ZNF407: variants seen among roughly 807,000 people sequenced by gnomAD.
The protein encoded by ZNF407 is zinc finger protein 407.
Under a neutral mutation model 131.2 loss-of-function variants are expected in ZNF407, and 17 were observed. The observed-to-expected ratio is 0.13, with a 90% CI of 0.09 to 0.19. ZNF407 has a LOEUF of 0.19. Ranked by LOEUF, ZNF407 falls within the 10% of genes least tolerant of loss-of-function variation. The pLI, the probability that ZNF407 is intolerant of heterozygous loss-of-function variation, is 1.00. For missense variants in ZNF407, 2,681 were observed against 2,830.6 expected (o/e 0.95, Z 1.20); for synonymous variants, 1,156 against 1,062.0 (o/e 1.09, Z -1.72).
chr18:74,647,439 G>A (rs941559937), intron 3 of ZNF407, among the ~76,000 whole-genome samples: 6 of 151,824 alleles, frequency 4.0e-5, no homozygotes, highest in African/African-American at 1.5e-4. Flanking sequence ...GCGGGACCCC[G>A]TCTCTAAAAA....
rs374271848 is a variant in ZNF407, at chr18:74,630,974, G to T, written c.-46G>T. On this transcript the variant is annotated 5_prime_UTR_variant, in exon 2 of 9. Transcript: ENST00000299687. ...TGTTTGTTTACTTCACAGGTTATGA[G>T]TGCCAGTGAGCCGCCTTAGATAGAA... is the stretch of plus-strand genomic sequence containing the variant. 12 of 1,542,914 alleles carry T rather than the reference G, an allele frequency of 7.8e-6. No individual in the cohort carries two copies. In the African/African-American group the frequency reaches 1.5e-4, roughly 20 times the overall value.
intron 4 of ZNF407, among the ~76,000 whole-genome samples, chr18:74,785,891 GCACT>G (rs1969700428): frequency 6.6e-6 from 1 of 150,928 alleles, no homozygotes; most frequent in African/African-American, 2.5e-5. Flanking sequence ...CACGCACATG[GCACT>G]CACATGGGAC....
chr18:74,601,309 GTGTGTGTGTGTGTGTATGTC>G (rs1209832446), intron 1 of ZNF407, among the ~76,000 whole-genome samples: 3 of 135,222 alleles, frequency 2.2e-5, no homozygotes, highest in Non-Finnish European at 4.7e-5. Context: ...AGTTAGTTGT[GTGTGTGTGTGTGTGTATGTC>G]TGTGTGTGTG....
At chr18:74,891,659 A>G (rs1474747057) in intron 7 of ZNF407, among the ~76,000 whole-genome samples, 1 of 152,222 alleles carries the variant, frequency 6.6e-6, no homozygotes, top group Admixed American at 6.5e-5. Context: ...AGAGGTAGAC[A>G]TAGAAATTCT....
chr18:74,731,185 C>T (rs1968286114), intron 3 of ZNF407, among the ~76,000 whole-genome samples: 1 of 152,132 alleles, frequency 6.6e-6, no homozygotes, highest in African/African-American at 2.4e-5. Context: ...ATGGAATTTA[C>T]AGATTTTGAG....
At chr18:74,882,836 G>A (rs1304468219) in intron 6 of ZNF407, among the ~76,000 whole-genome samples, 1 of 152,144 alleles carries the variant, frequency 6.6e-6, no homozygotes, top group Non-Finnish European at 1.5e-5. Flanking sequence ...AACATTTATG[G>A]TAACAGTATG....
In ZNF407 at chr18:74,881,065, G is replaced by A; in HGVS notation, c.5074G>A (p.Gly1692Ser). ...GEKSFLCDLC[G>S]FAGGTRHALT... The stretch of plus-strand genomic sequence containing the variant: ...GAAGTCGTTTCTGTGTGACCTCTGC[G>A]GCTTTGCCGGCGGGACCCGCCACGC... The change falls in exon 6 of 9, where the codon GGC becomes AGC. Residue 1692 changes from glycine (G) to serine (S), a missense_variant. Gly to Ser is a moderately conservative substitution (Grantham distance 56). Transcript: ENST00000299687. 6.3e-7 allele frequency: 1 copy of A among 1,575,764 alleles called. No homozygotes were observed. Among genetic ancestry groups the A allele is most frequent in the Non-Finnish European group, 8.6e-7 (1 of 1,160,562 alleles).
Position 74,635,238 on chromosome 18 carries a change from T to A in ZNF407, c.4219T>A (p.Ser1407Thr), listed in dbSNP as rs1005014455. The change falls in exon 2 of 9, where the codon TCC becomes ACC. Residue 1407 changes from serine to threonine, a missense_variant. Ser to Thr is a moderately conservative substitution (Grantham distance 58). Coordinates refer to ENST00000299687, the MANE Select transcript of ZNF407 (RefSeq NM_017757.3). This position sits in a 1 kb window ranked among gnomAD's most constrained non-coding sequence, Gnocchi z 4.7. ...GAAAAAGAAGAAATCTGAGGGCAGT[T>A]CCATTGGTGAGTCTACACGAATTCG... is the stretch of plus-strand genomic sequence containing the variant. ...GVKKKKSEGS[S>T]IGESTRIRCD... The A allele has an allele frequency of 5.6e-5, 90 of 1,613,792 alleles. No homozygotes were observed. The highest frequency in any genetic ancestry group is 7.5e-5 in the Non-Finnish European group (88 of 1,179,870).
chr18:74,791,379 C>T (rs151068072), intron 4 of ZNF407, among the ~76,000 whole-genome samples: 262 of 152,262 alleles, frequency 1.7e-3, no homozygotes, highest in African/African-American at 6.1e-3. Context: ...GGAAATAACC[C>T]TTTCCATTGA....
At chr18:74,640,559 T>C (rs1984666917) in intron 2 of ZNF407, among the ~76,000 whole-genome samples, 1 of 152,152 alleles carries the variant, frequency 6.6e-6, no homozygotes, top group African/African-American at 2.4e-5. Context: ...CGGAGAAATA[T>C]GAGGAAACAA....
intron 3 of ZNF407, among the ~76,000 whole-genome samples, chr18:74,698,457 A>G (rs7226872): frequency 0.082 from 12,472 of 152,138 alleles, 673 homozygotes; most frequent in African/African-American, 0.15. Flanking sequence ...TGAGCTGGTT[A>G]TATGTATTAT....
intron 8 of ZNF407, among the ~76,000 whole-genome samples, chr18:74,979,106 C>T (rs1313828186): frequency 6.6e-6 from 1 of 152,122 alleles, no homozygotes. Context: ...GAATTAGCGA[C>T]ACCTGGGTGT....
intron 3 of ZNF407, among the ~76,000 whole-genome samples, chr18:74,645,610 A>C (rs1984933718): frequency 6.6e-6 from 1 of 151,274 alleles, no homozygotes; most frequent in Non-Finnish European, 1.5e-5. Context: ...AATCTTAAAT[A>C]GAAAGTTACT....
intron 2 of ZNF407, among the ~76,000 whole-genome samples, chr18:74,639,986 C>T (rs1446397614): frequency 1.3e-5 from 2 of 151,724 alleles, no homozygotes; most frequent in South Asian, 2.1e-4. Flanking sequence ...TCACATATTT[C>T]GTGTTCTATC....
At chr18:74,875,186 A>G (rs1212392499) in intron 4 of ZNF407, among the ~76,000 whole-genome samples, 1 of 152,158 alleles carries the variant, frequency 6.6e-6, no homozygotes, top group East Asian at 1.9e-4. Flanking sequence ...CATAGGTAAT[A>G]CCGGTTCTTT....
Position 75,048,910 on chromosome 18 carries a change from C to T in ZNF407, c.5429-14240C>T, listed in dbSNP as rs1003623540. Among the ~76,000 whole-genome samples the T allele has an allele frequency of 2.0e-5, 3 of 152,124 alleles. No homozygotes were observed. The highest frequency in any genetic ancestry group is 6.5e-5 in the Admixed American group (1 of 15,274). On this transcript the variant is annotated intron_variant, in intron 8 of 8. Transcript: ENST00000299687. The surrounding 1 kb of genome is among the most constrained non-coding windows in gnomAD (Gnocchi z 4.1). ...GGGCCACCAAGCCAGAGTCAGCCAG[C>T]GAGAGGCTCCCTGGCTGGCAGGAAT...
chr18:74,601,325 A>G (rs966647820), intron 1 of ZNF407, among the ~76,000 whole-genome samples: 110 of 95,146 alleles, frequency 1.2e-3, no homozygotes, highest in African/African-American at 3.6e-3. Flanking sequence ...GTGTGTGTGT[A>G]TGTCTGTGTG....
chr18:74,633,377 AGAAGAGTTT>A lies in ZNF407; in HGVS notation c.2361_2369del (p.Glu787_Phe789del), dbSNP rs1984240253. 6.2e-7 allele frequency: 1 copy of A among 1,614,010 alleles called. No individual in the cohort carries two copies. The highest frequency in any genetic ancestry group is 1.3e-5 in the African/African-American group (1 of 75,068). On this transcript the variant is annotated inframe_deletion, in exon 2 of 9. Transcript: ENST00000299687. ...TATGTATAGGTGCAAATGATAAAAA[AGAAGAGTTT>A]GATGTTTCCGGAAATGGAAGGATTG...
At chr18:74,971,822 C>T (rs1267103106) in intron 8 of ZNF407, among the ~76,000 whole-genome samples, 1 of 152,144 alleles carries the variant, frequency 6.6e-6, no homozygotes, top group Admixed American at 6.6e-5. Flanking sequence ...TACCAATTTA[C>T]TGTATTAGTT....
Sources: gnomAD v4.1 joint callset for allele counts (sites outside exome capture counted in the v4.1 genomes callset) on GRCh38, gnomAD v4.1.1 for gene constraint, Gnocchi (gnomAD v3.1) non-coding constraint, MANE v1.5 for transcripts, NCBI Gene and HGNC (gene_info 2026-07-23, HGNC 2026-07-21) for gene names.